HS6ST3: variants seen among roughly 807,000 people sequenced by gnomAD.
The protein encoded by HS6ST3 is heparan sulfate 6-O-sulfotransferase 3.
A neutral mutation model predicts 36.7 loss-of-function variants in HS6ST3; 12 were observed. The ratio of observed to expected loss-of-function variants is 0.33; its 90% confidence interval spans 0.21 to 0.53. HS6ST3 has a LOEUF of 0.53. Ranked by LOEUF, HS6ST3 falls within the 20% of genes least tolerant of loss-of-function variation. The pLI, the probability that HS6ST3 is intolerant of heterozygous loss-of-function variation, is 0.95. For synonymous variants in HS6ST3, 240 were observed against 257.5 expected, an observed-to-expected ratio of 0.93 and a Z score of 0.65; for missense variants, 584 against 640.9, an observed-to-expected ratio of 0.91 and a Z score of 0.96.
chr13:96,667,443 G>T (rs1241089035), intron 1 of HS6ST3, among the ~76,000 whole-genome samples: 1 of 152,104 alleles, frequency 6.6e-6, no homozygotes, highest in African/African-American at 2.4e-5. Context: ...CTTGCCATTA[G>T]GTTGGTGAGA....
chr13:96,574,050 C>T (rs978994077), intron 1 of HS6ST3: 2 of 542,890 alleles, frequency 3.7e-6, no homozygotes, highest in African/African-American at 3.8e-5. Context: ...ACATGGAAGA[C>T]AGGGAGGGAC....
intron 1 of HS6ST3, among the ~76,000 whole-genome samples, chr13:96,108,181 A>AG (rs1013117958): frequency 1.3e-5 from 2 of 152,306 alleles, no homozygotes; most frequent in East Asian, 1.9e-4. Flanking sequence ...ATGCATTCCC[A>AG]GGGGGAGGCC....
At chr13:96,554,059 T>C (rs1383284244) in intron 1 of HS6ST3, among the ~76,000 whole-genome samples, 2 of 152,162 alleles carry the variant, frequency 1.3e-5, no homozygotes, top group Non-Finnish European at 2.9e-5. Context: ...AGAAGGTTGA[T>C]TAGGCAGCTA....
At chr13:96,766,531 T>C (rs1566448484) in intron 1 of HS6ST3, among the ~76,000 whole-genome samples, 1 of 152,170 alleles carries the variant, frequency 6.6e-6, no homozygotes, top group Non-Finnish European at 1.5e-5. Flanking sequence ...AGATGACTGA[T>C]TACATGATTG....
intron 1 of HS6ST3, among the ~76,000 whole-genome samples, chr13:96,139,593 T>C (rs2054019981): frequency 7.3e-6 from 1 of 137,492 alleles, no homozygotes; most frequent in African/African-American, 2.7e-5. Flanking sequence ...ATTTGGTATA[T>C]ATATAAGGAA....
chr13:96,591,680 C>G (rs1323639142), intron 1 of HS6ST3, among the ~76,000 whole-genome samples: 2 of 152,022 alleles, frequency 1.3e-5, no homozygotes, highest in Non-Finnish European at 2.9e-5. Flanking sequence ...AAACTGGATG[C>G]CCTTTATATC....
In HS6ST3 at chr13:96,099,455, T is replaced by TC. The variant is rs774560835; in HGVS notation, c.707+7893dup. Among the ~76,000 whole-genome samples, 264 of 152,002 alleles carry TC rather than the reference T, an allele frequency of 1.7e-3. 2 individuals are homozygous for TC. The highest frequency in any genetic ancestry group is 5.8e-3 in the African/African-American group (242 of 41,460). ...CAAGAATGGAAACTTGCAGTCTTTTTCCCCCCCAGCATATAGTTTTATTTT... is the reference window on the plus strand; with the variant it reads ...CAAGAATGGAAACTTGCAGTCTTTTTCCCCCCCCAGCATATAGTTTTATTTT... On this transcript the variant is annotated intron_variant, in intron 1 of 1. Coordinates refer to ENST00000376705, the MANE Select transcript of HS6ST3 (RefSeq NM_153456.4).
In HS6ST3 at chr13:96,541,257, G is replaced by T. The variant is rs552172860; in HGVS notation, c.708-291233G>T. Among the ~76,000 whole-genome samples the T allele has an allele frequency of 2.0e-5, 3 of 152,088 alleles. No homozygotes were observed. The East Asian group carries it at 5.8e-4, about 30-fold the overall frequency. ...TCACCATGTTGGCCAGGCTGGTCTT[G>T]ACCTCCTGACCTCAAATGATCCACC... On this transcript the variant is annotated intron_variant, in intron 1 of 1. Coordinates refer to ENST00000376705, the MANE Select transcript of HS6ST3 (RefSeq NM_153456.4).
rs1246125030 is a variant in HS6ST3, at chr13:96,090,774, C to G, written c.-89C>G. The G allele has an allele frequency of 3.3e-5, 38 of 1,135,338 alleles. No homozygotes were observed. Among genetic ancestry groups the G allele is most frequent in the Non-Finnish European group, 4.2e-5 (37 of 878,968 alleles). 70.3% of individuals were successfully genotyped at this position (1,135,338 alleles called of 1,614,324 possible). On this transcript the variant is annotated 5_prime_UTR_variant, in exon 1 of 2. Transcript: ENST00000376705. The stretch of plus-strand genomic sequence containing the variant: ...AGGAACGGCGGGCTCCGAGCCGCGC[C>G]CCGGAGTCCGCGAAACTTCCGAGCG...
intron 1 of HS6ST3, among the ~76,000 whole-genome samples, chr13:96,241,866 A>G (rs2054561970): frequency 6.6e-6 from 1 of 150,628 alleles, no homozygotes; most frequent in Non-Finnish European, 1.5e-5. Flanking sequence ...GCTCACTGCA[A>G]GCTCCGCCTC....
intron 1 of HS6ST3, among the ~76,000 whole-genome samples, chr13:96,706,117 A>C (rs2138456685): frequency 6.6e-6 from 1 of 152,286 alleles, no homozygotes; most frequent in African/African-American, 2.4e-5. Flanking sequence ...TTCGTAAGAA[A>C]GGAAACCACT....
chr13:96,427,286 A>C (rs1462822958), intron 1 of HS6ST3: 1 of 154,364 alleles, frequency 6.5e-6, no homozygotes, highest in Non-Finnish European at 1.5e-5. Flanking sequence ...ATCAGATGTC[A>C]CATTTTATAA....
At chr13:96,410,867 T>C (rs1192934556) in intron 1 of HS6ST3, among the ~76,000 whole-genome samples, 2 of 151,902 alleles carry the variant, frequency 1.3e-5, no homozygotes, top group Non-Finnish European at 2.9e-5. Flanking sequence ...GGGTATATTT[T>C]CCAAATTCCC....
chr13:96,099,609 A>G (rs1305398020), intron 1 of HS6ST3, among the ~76,000 whole-genome samples: 2 of 152,198 alleles, frequency 1.3e-5, no homozygotes, highest in Non-Finnish European at 2.9e-5. Context: ...GTTCATTCCT[A>G]TTATTAATAT....
intron 1 of HS6ST3, among the ~76,000 whole-genome samples, chr13:96,454,920 A>T (rs1241725112): frequency 6.6e-6 from 1 of 150,664 alleles, no homozygotes; most frequent in Admixed American, 6.6e-5. Flanking sequence ...GCAGAAGAGT[A>T]TACAATATCT....
chr13:96,214,291 G>A (rs1472669542), intron 1 of HS6ST3, among the ~76,000 whole-genome samples: 1 of 152,020 alleles, frequency 6.6e-6, no homozygotes, highest in African/African-American at 2.4e-5. Flanking sequence ...GGTGGATGGG[G>A]GCTGTTGTAC....
At chr13:96,703,195 C>G (rs2138454373) in intron 1 of HS6ST3, among the ~76,000 whole-genome samples, 1 of 152,314 alleles carries the variant, frequency 6.6e-6, no homozygotes, top group East Asian at 1.9e-4. Context: ...AAGTAGCAAA[C>G]CCTGTGTATC....
At chr13:96,725,085 G>A (rs1875969505) in intron 1 of HS6ST3, among the ~76,000 whole-genome samples, 1 of 152,158 alleles carries the variant, frequency 6.6e-6, no homozygotes, top group African/African-American at 2.4e-5. Context: ...GAGAAGTTTA[G>A]CAGTATCTGA....
chr13:96,218,211 A>G (rs2054436757), intron 1 of HS6ST3, among the ~76,000 whole-genome samples: 1 of 152,174 alleles, frequency 6.6e-6, no homozygotes, highest in African/African-American at 2.4e-5. Context: ...GGCTACTGAA[A>G]CCAGACAAGA....
Sources: gnomAD v4.1 joint callset for allele counts (sites outside exome capture counted in the v4.1 genomes callset) on GRCh38, gnomAD v4.1.1 for gene constraint, MANE v1.5 for transcripts, NCBI Gene and HGNC (gene_info 2026-07-23, HGNC 2026-07-21) for gene names.